MDGA2: variants seen among roughly 807,000 people sequenced by gnomAD.
The protein encoded by MDGA2 is MAM domain-containing glycosylphosphatidylinositol anchor protein 2.
MDGA2 carries 40 observed loss-of-function variants against 117.8 expected under a neutral mutation model. The ratio of observed to expected loss-of-function variants is 0.34; its 90% CI spans 0.26 to 0.44. MDGA2 has a LOEUF of 0.44. MDGA2 is among the 20% of genes least tolerant of loss of function. The pLI, the probability that MDGA2 is intolerant of heterozygous loss-of-function variation, is 1.00. For missense variants in MDGA2, 1,123 were observed against 1,250.6 expected (o/e 0.90, Z 1.54); for synonymous variants, 452 against 439.0 (o/e 1.03, Z -0.37).
chr14:47,295,716 C>T (rs1181640259), intron 2 of MDGA2, among the ~76,000 whole-genome samples: 1 of 151,960 alleles, frequency 6.6e-6, no homozygotes, highest in Non-Finnish European at 1.5e-5. Flanking sequence ...CCAGCCTGGC[C>T]TACATGGGGA....
At position 47,254,956 on chromosome 14, in the gene MDGA2, A is replaced by T. The variant is rs190146802; in HGVS notation, c.421-36761T>A. Among the ~76,000 whole-genome samples the T allele has an allele frequency of 1.2e-4, 18 of 152,270 alleles. No individual in the cohort carries two copies. In the East Asian group the frequency reaches 3.5e-3, roughly 30 times the overall value. Reference sequence around the variant, plus strand: ...AGGGGGAAGTCCCTTGTAAAGCCATAAGATCTTATAAGGATTTACTGACTA... The same window carrying T: ...AGGGGGAAGTCCCTTGTAAAGCCATTAGATCTTATAAGGATTTACTGACTA... On this transcript the variant is annotated intron_variant, in intron 2 of 16. Coordinates refer to ENST00000399232, the MANE Select transcript of MDGA2 (RefSeq NM_001113498.3).
At chr14:47,663,093 A>T (rs977078829) in intron 1 of MDGA2, among the ~76,000 whole-genome samples, 3 of 152,214 alleles carry the variant, frequency 2.0e-5, no homozygotes, top group African/African-American at 7.2e-5. Flanking sequence ...GTAACCCATG[A>T]AAAACAAGGA....
rs369791584 is a variant in MDGA2 at position 47,171,928 on chromosome 14, G to A, written c.596-27654C>T. On this transcript the variant is annotated intron_variant, in intron 3 of 16. Coordinates refer to ENST00000399232, the MANE Select transcript of MDGA2 (RefSeq NM_001113498.3). Reference sequence around the variant, plus strand: ...GGTGACAGTAGGCACCTGGAATATCGGGTCATTCCCACCCTAATACTGCGC... The same window carrying A: ...GGTGACAGTAGGCACCTGGAATATCAGGTCATTCCCACCCTAATACTGCGC... 2.8e-4 allele frequency among the ~76,000 whole-genome samples: 43 copies of A among 152,218 alleles called. No homozygotes were observed. The South Asian group carries it at 6.8e-3, about 24-fold the overall frequency.
rs181314576 is a variant in MDGA2 at position 47,105,658 on chromosome 14, G to A, written c.926-8535C>T. On this transcript the variant is annotated intron_variant, in intron 5 of 16. Coordinates refer to ENST00000399232, the MANE Select transcript of MDGA2 (RefSeq NM_001113498.3). Reference sequence around the variant, plus strand: ...AATTCTTGTCGTAAAATAGGCAAACGGTCTGAGGTGCCTGACGTCCAGGCA... The same window carrying A: ...AATTCTTGTCGTAAAATAGGCAAACAGTCTGAGGTGCCTGACGTCCAGGCA... 1.4e-3 allele frequency among the ~76,000 whole-genome samples: 213 copies of A among 151,356 alleles called. 1 individual carries two copies. Among genetic ancestry groups the A allele is most frequent in the African/African-American group, 4.8e-3 (199 of 41,140 alleles).
At chr14:47,392,344 A>T (rs1018559812) in intron 1 of MDGA2, among the ~76,000 whole-genome samples, 1 of 152,154 alleles carries the variant, frequency 6.6e-6, no homozygotes, top group South Asian at 2.1e-4. Context: ...GCCATAGTAC[A>T]TTGAAATAAA....
At chr14:46,867,808 C>T (rs1182714200) in intron 14 of MDGA2, among the ~76,000 whole-genome samples, 3 of 151,866 alleles carry the variant, frequency 2.0e-5, no homozygotes, top group Admixed American at 6.6e-5. Context: ...TTATAATATG[C>T]ATTTCTCTTT....
At chr14:47,390,497 T>G (rs1891870109) in intron 1 of MDGA2, among the ~76,000 whole-genome samples, 1 of 152,190 alleles carries the variant, frequency 6.6e-6, no homozygotes, top group African/African-American at 2.4e-5. Flanking sequence ...ACAATATGCA[T>G]GGTCACCCCA....
intron 1 of MDGA2, among the ~76,000 whole-genome samples, chr14:47,451,361 AT>A (rs915677657): frequency 7.4e-6 from 1 of 134,900 alleles, no homozygotes; most frequent in African/African-American, 2.8e-5. Context: ...GAATGTTTTG[AT>A]TTTTTTTCCT....
intron 1 of MDGA2, among the ~76,000 whole-genome samples, chr14:47,638,847 A>T (rs1381218750): frequency 2.0e-5 from 3 of 152,098 alleles, no homozygotes; most frequent in Non-Finnish European, 2.9e-5. Flanking sequence ...CCTACAATTC[A>T]TTATTAAAAT....
chr14:46,968,036 G>C (rs1465031628), intron 8 of MDGA2, among the ~76,000 whole-genome samples: 1 of 152,070 alleles, frequency 6.6e-6, no homozygotes, highest in Non-Finnish European at 1.5e-5. Flanking sequence ...TGACTCTCTG[G>C]GGGCCTCCAG....
At chr14:47,482,937 C>A (rs541546801) in intron 1 of MDGA2, among the ~76,000 whole-genome samples, 3 of 150,748 alleles carry the variant, frequency 2.0e-5, no homozygotes, top group Non-Finnish European at 4.4e-5. Flanking sequence ...AGGAAAGAGA[C>A]GTTTTGAATT....
chr14:47,444,811 G>T (rs563845764), intron 1 of MDGA2, among the ~76,000 whole-genome samples: 1 of 152,098 alleles, frequency 6.6e-6, no homozygotes, highest in Non-Finnish European at 1.5e-5. Context: ...TGCACTCCAT[G>T]AGAGGTCACT....
At chr14:46,999,914 A>C (rs1887442663) in intron 8 of MDGA2, among the ~76,000 whole-genome samples, 1 of 152,050 alleles carries the variant, frequency 6.6e-6, no homozygotes, top group Non-Finnish European at 1.5e-5. Context: ...TGGCTTTCAC[A>C]AGAATGATAC....
At chr14:47,083,672 T>C (rs936209657) in intron 6 of MDGA2, among the ~76,000 whole-genome samples, 1 of 152,074 alleles carries the variant, frequency 6.6e-6, no homozygotes, top group South Asian at 2.1e-4. Flanking sequence ...GACTCACCTA[T>C]ATATTATCTA....
chr14:47,669,851 C>A (rs1382069881), intron 1 of MDGA2, among the ~76,000 whole-genome samples: 1 of 151,834 alleles, frequency 6.6e-6, no homozygotes, highest in Non-Finnish European at 1.5e-5. Context: ...TCTCCAAACC[C>A]AATCTGAAAA....
At chr14:46,960,156 G>C (rs931274563) in intron 8 of MDGA2, among the ~76,000 whole-genome samples, 1 of 152,100 alleles carries the variant, frequency 6.6e-6, no homozygotes, top group African/African-American at 2.4e-5. Context: ...AGGAGGCAGA[G>C]GTTGTGGTGA....
At chr14:46,929,152 A>C (rs1480865080) in intron 9 of MDGA2, among the ~76,000 whole-genome samples, 4 of 152,156 alleles carry the variant, frequency 2.6e-5, no homozygotes, top group Non-Finnish European at 5.9e-5. Flanking sequence ...CTAAGTTTAC[A>C]TCTAAAAAGT....
In MDGA2 at chr14:46,866,635, C is replaced by T. The variant is rs372826228; in HGVS notation, c.2752+6798G>A. Among the ~76,000 whole-genome samples, 1,426 of 151,666 alleles carry T rather than the reference C, an allele frequency of 9.4e-3. 12 individuals carry two copies. The highest frequency in any genetic ancestry group is 0.024 in the Middle Eastern group (7 of 292). ...CAAAATGGGAGAAAATTTTTGCAAC[C>T]TACTCATCTGACAAAGGGCTAATAT... On this transcript the variant is annotated intron_variant, in intron 14 of 16. Coordinates refer to ENST00000399232, the MANE Select transcript of MDGA2 (RefSeq NM_001113498.3).
Position 46,919,908 on chromosome 14 carries a change from A to C in MDGA2, c.2238+104T>G, listed in dbSNP as rs377563933. On this transcript the variant is annotated intron_variant, in intron 10 of 16. Coordinates refer to ENST00000399232, the MANE Select transcript of MDGA2 (RefSeq NM_001113498.3). ...TATCTATATACAGAAACACATATACATAAAATATATTTTGGAATTCATGCA... is the reference window on the plus strand; with the variant it reads ...TATCTATATACAGAAACACATATACCTAAAATATATTTTGGAATTCATGCA... The C allele has an allele frequency of 2.2e-4, 222 of 1,017,930 alleles. No individual in the cohort carries two copies. In the African/African-American group the frequency reaches 3.4e-3, roughly 16 times the overall value. The allele number at this position is 1,017,930 out of a possible 1,614,324, so 63.1% of individuals were successfully genotyped here. A position where few individuals can be genotyped will look rare whatever the true frequency, so the allele number is the denominator to read the frequency against.
Sources: gnomAD v4.1 joint callset for allele counts (sites outside exome capture counted in the v4.1 genomes callset) on GRCh38, gnomAD v4.1.1 for gene constraint, MANE v1.5 for transcripts, NCBI Gene and HGNC (gene_info 2026-07-23, HGNC 2026-07-21) for gene names.